The following DLC1 variants were observed in gnomAD, a reference collection of about 807,000 sequenced individuals.
DLC1 encodes DLC1 Rho GTPase activating protein.
DLC1 carries 54 observed loss-of-function variants against 140.3 expected under a neutral mutation model. The observed-to-expected ratio is 0.38, with a 90% CI of 0.31 to 0.48. DLC1 has a LOEUF of 0.48. Among genes scored for constraint, DLC1 ranks in the 20% least tolerant of loss-of-function variants. The pLI, the probability that DLC1 is intolerant of heterozygous loss-of-function variation, is 0.96. For missense variants in DLC1, 2,536 were observed against 1,907.0 expected (o/e 1.33, Z -6.14); for synonymous variants, 986 against 728.1 (o/e 1.35, Z -5.70).
chr8:13,192,325 C>A (rs1043155389), intron 5 of DLC1, among the ~76,000 whole-genome samples: 1 of 151,926 alleles, frequency 6.6e-6, no homozygotes, highest in African/African-American at 2.4e-5. Flanking sequence ...GGGTGATGCC[C>A]TTTTTAAAAA....
intron 5 of DLC1, among the ~76,000 whole-genome samples, chr8:13,120,234 G>A (rs997811417): frequency 2.7e-5 from 4 of 149,952 alleles, no homozygotes; most frequent in South Asian, 2.1e-4. Context: ...TCCCAGCTAC[G>A]CAGGAGGCTG....
chr8:13,407,182 T>C (rs289603), intron 2 of DLC1, among the ~76,000 whole-genome samples: 140,921 of 152,306 alleles, frequency 0.93, 65,315 homozygotes, highest in African/African-American at 0.97. Flanking sequence ...CTGAAAGAAG[T>C]TCCTAATTTA....
At chr8:13,176,102 ACTT>A (rs1343120365) in intron 5 of DLC1, among the ~76,000 whole-genome samples, 1 of 152,138 alleles carries the variant, frequency 6.6e-6, no homozygotes, top group Non-Finnish European at 1.5e-5. Context: ...CTGGATATAA[ACTT>A]CTTTTTTTAT....
At chr8:13,523,905 G>A (rs1349548455) in intron 1 of DLC1, among the ~76,000 whole-genome samples, 1 of 151,486 alleles carries the variant, frequency 6.6e-6, no homozygotes, top group African/African-American at 2.4e-5. Context: ...AGGGGAGAAA[G>A]TATAGAAATG....
chr8:13,223,541 A>G (rs1828656450), intron 5 of DLC1, among the ~76,000 whole-genome samples: 1 of 152,254 alleles, frequency 6.6e-6, no homozygotes, highest in African/African-American at 2.4e-5. Flanking sequence ...TAAAAAGAGA[A>G]CACATAAAAC....
intron 1 of DLC1, among the ~76,000 whole-genome samples, chr8:13,537,990 C>T (rs1200353147): frequency 1.3e-5 from 2 of 152,114 alleles, no homozygotes; most frequent in East Asian, 1.9e-4. Flanking sequence ...ATACGTTCCA[C>T]GCTTTGGGCT....
chr8:13,406,181 G>GTCTTTTTTT (rs1554514492), intron 2 of DLC1, among the ~76,000 whole-genome samples: 1 of 84,960 alleles, frequency 1.2e-5, no homozygotes, highest in African/African-American at 4.8e-5. Context: ...TAATTTTTGT[G>GTCTTTTTTT]TTTTTTTTTT....
chr8:13,264,049 GC>G (rs1459694877), intron 5 of DLC1, among the ~76,000 whole-genome samples: 37 of 59,458 alleles, frequency 6.2e-4, no homozygotes, highest in African/African-American at 2.3e-3. Context: ...AGAATAAGAA[GC>G]TTTTTATTTA....
intron 6 of DLC1, among the ~76,000 whole-genome samples, chr8:13,114,424 C>A (rs1206594162): frequency 6.6e-6 from 1 of 152,134 alleles, no homozygotes; most frequent in Admixed American, 6.5e-5. Flanking sequence ...CACAAGCACT[C>A]CCCAGGGTAC....
chr8:13,104,945 G>T (rs930746074), intron 7 of DLC1, among the ~76,000 whole-genome samples: 4 of 152,206 alleles, frequency 2.6e-5, no homozygotes, highest in African/African-American at 9.6e-5. Flanking sequence ...TACACCCACA[G>T]TGTTTTAGTT....
intron 5 of DLC1, among the ~76,000 whole-genome samples, chr8:13,156,722 C>T (rs946915840): frequency 6.6e-6 from 1 of 152,106 alleles, no homozygotes. Flanking sequence ...ATGTTCGCAA[C>T]TCAAAAAGTC....
At chr8:13,109,213 G>A (rs1227046015) in intron 7 of DLC1, among the ~76,000 whole-genome samples, 1 of 152,090 alleles carries the variant, frequency 6.6e-6, no homozygotes, top group Non-Finnish European at 1.5e-5. Flanking sequence ...CCTACAAAGA[G>A]GAAAGAAATA....
intron 5 of DLC1, among the ~76,000 whole-genome samples, chr8:13,250,055 T>C (rs1333420375): frequency 6.6e-6 from 1 of 152,176 alleles, no homozygotes; most frequent in Non-Finnish European, 1.5e-5. Flanking sequence ...TACTGGACAG[T>C]GAGACCCTTC....
intron 4 of DLC1, among the ~76,000 whole-genome samples, chr8:13,346,394 C>A (rs1242648397): frequency 6.6e-6 from 1 of 152,182 alleles, no homozygotes; most frequent in Non-Finnish European, 1.5e-5. Flanking sequence ...GAAACGTAGG[C>A]TAGTCTGAAT....
chr8:13,486,127 A>T (rs1800956769), intron 2 of DLC1, among the ~76,000 whole-genome samples: 1 of 152,218 alleles, frequency 6.6e-6, no homozygotes. Context: ...CATTTATGAT[A>T]AAAGTCTATG....
chr8:13,401,510 G>A lies in DLC1; in HGVS notation c.1133C>T (p.Ser378Phe). 6.2e-7 allele frequency: 1 copy of A among 1,612,972 alleles called. No individual in the cohort carries two copies. Among genetic ancestry groups the A allele is most frequent in the Non-Finnish European group, 8.5e-7 (1 of 1,180,014 alleles). The change falls in exon 3 of 18, where the codon TCT (serine) becomes TTT (phenylalanine). Residue 378 changes from serine (S) to phenylalanine (F), a missense_variant. Transcript: ENST00000276297. ...DIENALSTSSSPSGTPTNLRR... is the reference protein window; with the variant it reads ...DIENALSTSSFPSGTPTNLRR... The stretch of plus-strand genomic sequence containing the variant: ...CAGGTTTGTTGGTGTGCCTGATGGA[G>A]AGGAGCTGGTGCTGAGGGCATTTTC...
intron 5 of DLC1, among the ~76,000 whole-genome samples, chr8:13,168,832 C>T (rs962295810): frequency 1.1e-4 from 16 of 152,176 alleles, no homozygotes; most frequent in African/African-American, 2.9e-4. Flanking sequence ...GTTCCTAAAA[C>T]GGTCAAAATT....
At chr8:13,217,754 C>T (rs976913762) in intron 5 of DLC1, among the ~76,000 whole-genome samples, 4 of 151,872 alleles carry the variant, frequency 2.6e-5, no homozygotes, top group African/African-American at 9.7e-5. Context: ...AGGAGAATTG[C>T]TTGAACCTGG....
chr8:13,139,781 CCT>C lies in DLC1; in HGVS notation c.1349-24126_1349-24125del, dbSNP rs530581960. ...ACAGCTCTGATTCTTTCGTGTGTCC[CCT>C]GACTACACAAAAATCAAACAAGTGG... On this transcript the variant is annotated intron_variant, in intron 5 of 17. Coordinates refer to ENST00000276297, the MANE Select transcript of DLC1 (RefSeq NM_182643.3). 1.4e-4 allele frequency among the ~76,000 whole-genome samples: 22 copies of C among 152,308 alleles called. 1 individual carries two copies. The East Asian group carries it at 3.9e-3, about 27-fold the overall frequency.
Sources: allele counts gnomAD v4.1 joint callset (sites outside exome capture counted in the v4.1 genomes callset), GRCh38; gene constraint gnomAD v4.1.1; transcripts MANE v1.5; gene names NCBI Gene and HGNC (gene_info 2026-07-23, HGNC 2026-07-21).